RGS8: variants seen among roughly 807,000 people sequenced by gnomAD.
RGS8 encodes the protein regulator of G-protein signaling 8.
In RGS8, 8 loss-of-function variants were observed where a neutral mutation model predicts 21.7. The ratio of observed to expected loss-of-function variants is 0.37; its 90% CI spans 0.22 to 0.66. The LOEUF (loss-of-function observed/expected upper bound fraction) is 0.66. Among genes scored for constraint, RGS8 ranks in the 30% least tolerant of loss-of-function variants. The pLI, the probability that RGS8 is intolerant of heterozygous loss-of-function variation, is 0.59. For synonymous variants in RGS8, 80 were observed against 83.6 expected, an observed-to-expected ratio of 0.96 and a Z score of 0.24; for missense variants, 157 against 217.9, an observed-to-expected ratio of 0.72 and a Z score of 1.76.
chr1:182,647,012 T>A (rs1662735245), intron 6 of RGS8, 95 bp from the exon 8 acceptor site: 1 of 1,037,830 alleles, frequency 9.6e-7, no homozygotes. Flanking sequence ...AATGACAGCA[T>A]CTACATATTT....
At chr1:182,740,967 C>G in the RGS8 span, among the ~76,000 whole-genome samples, 1 of 152,146 alleles carries the variant, frequency 6.6e-6, no homozygotes, top group Non-Finnish European at 1.5e-5. Context: ...TCTACACAGA[C>G]ACGGCAACCA....
chr1:182,737,855 T>A, the RGS8 span, among the ~76,000 whole-genome samples: 3 of 152,060 alleles, frequency 2.0e-5, no homozygotes, highest in Non-Finnish European at 4.4e-5. Context: ...TTCACCAGCA[T>A]GTGAGAAACT....
At chr1:182,690,548 T>C in the RGS8 span, among the ~76,000 whole-genome samples, 11 of 152,224 alleles carry the variant, frequency 7.2e-5, no homozygotes. Context: ...TGGGTCCCCA[T>C]TTTCTTTTTG....
At position 182,671,643 on chromosome 1, in the gene RGS8, A is replaced by G; in HGVS notation, c.-104+14T>C. On this transcript the variant is annotated intron_variant, in intron 2 of 6. Transcript: ENST00000483095. Reference sequence around the variant, plus strand: ...ACCCCGGAGAAGAAAGAGAAAAGCAAAGGCAATACTCACTGTCTTTGGCCA... The same window carrying G: ...ACCCCGGAGAAGAAAGAGAAAAGCAGAGGCAATACTCACTGTCTTTGGCCA... 6.2e-7 allele frequency: 1 copy of G among 1,612,666 alleles called. No individual in the cohort carries two copies. The highest frequency in any genetic ancestry group is 8.5e-7 in the Non-Finnish European group (1 of 1,178,706).
At chr1:182,698,419 G>A in the RGS8 span, among the ~76,000 whole-genome samples, 1 of 152,182 alleles carries the variant, frequency 6.6e-6, no homozygotes, top group Non-Finnish European at 1.5e-5. Context: ...TTCTGCATCT[G>A]TAAAACAGGG....
In RGS8 at chr1:182,658,156, A is replaced by G. The variant is rs149464663; in HGVS notation, c.193+7813T>C. Among the ~76,000 whole-genome samples, 8 of 152,330 alleles carry G rather than the reference A, an allele frequency of 5.3e-5. No individual in the cohort carries two copies. In the South Asian group the frequency reaches 1.0e-3, roughly 20 times the overall value. ...TGGCATCTACCTGAGCATCCACAGA[A>G]TCTCCAAGAACACACCTCAGCTGTG... On this transcript the variant is annotated intron_variant, in intron 5 of 6. Transcript: ENST00000483095.
chr1:182,742,840 A>T, the RGS8 span, among the ~76,000 whole-genome samples: 3 of 152,188 alleles, frequency 2.0e-5, no homozygotes, highest in African/African-American at 7.2e-5. Flanking sequence ...AGATGGTAGG[A>T]TTTGCTAAGA....
the RGS8 span, among the ~76,000 whole-genome samples, chr1:182,723,212 T>A: frequency 6.6e-6 from 1 of 152,132 alleles, no homozygotes; most frequent in Non-Finnish European, 1.5e-5. Context: ...TTATTTCATA[T>A]CACAATTTCT....
chr1:182,655,687 G>A (rs886927226), intron 5 of RGS8, among the ~76,000 whole-genome samples: 3 of 152,160 alleles, frequency 2.0e-5, no homozygotes, highest in African/African-American at 7.2e-5. Context: ...GTAAACTAAG[G>A]GGGTTGGATA....
At chr1:182,732,301 A>C in the RGS8 span, among the ~76,000 whole-genome samples, 147 of 150,648 alleles carry the variant, frequency 9.8e-4, no homozygotes, top group Middle Eastern at 6.8e-3. Context: ...ACACACACAC[A>C]CCCACTGTAG....
rs148238234 is a variant in RGS8, at chr1:182,671,316, A to T, written c.-104+341T>A. Among the ~76,000 whole-genome samples the T allele has an allele frequency of 3.3e-3, 495 of 152,204 alleles. 3 individuals are homozygous for T. Among genetic ancestry groups the T allele is most frequent in the Middle Eastern group, 0.024 (7 of 294 alleles). Reference sequence around the variant, plus strand: ...CCCAGCACCTCAGGGCTTTTATCCCATTTGGCCCTGGACTTCTGAGAGTTA... The same window carrying T: ...CCCAGCACCTCAGGGCTTTTATCCCTTTTGGCCCTGGACTTCTGAGAGTTA... On this transcript the variant is annotated intron_variant, in intron 2 of 6. Coordinates refer to ENST00000483095, the Ensembl canonical transcript of RGS8.
the RGS8 span, among the ~76,000 whole-genome samples, chr1:182,705,558 A>AG: frequency 2.0e-5 from 3 of 151,202 alleles, no homozygotes; most frequent in African/African-American, 4.9e-5. Context: ...CTTTATCTAG[A>AG]ACATGCAGCA....
the RGS8 span, among the ~76,000 whole-genome samples, chr1:182,695,564 C>CT: frequency 6.6e-6 from 1 of 152,178 alleles, no homozygotes; most frequent in Non-Finnish European, 1.5e-5. Context: ...TCAAGCAAAT[C>CT]TCCCACCTCA....
At chr1:182,715,914 G>C in the RGS8 span, among the ~76,000 whole-genome samples, 1 of 152,088 alleles carries the variant, frequency 6.6e-6, no homozygotes, top group Non-Finnish European at 1.5e-5. Context: ...AGTCACCCTT[G>C]ATATCCAAGG....
At chr1:182,647,925 A>G (rs1662780974) in intron 6 of RGS8, among the ~76,000 whole-genome samples, 1 of 152,236 alleles carries the variant, frequency 6.6e-6, no homozygotes, top group Non-Finnish European at 1.5e-5. Flanking sequence ...TAACTGACAG[A>G]TAACTAAAAC....
chr1:182,675,908 C>T (rs879762891), upstream of RGS8, among the ~76,000 whole-genome samples: 4 of 152,118 alleles, frequency 2.6e-5, no homozygotes, highest in Admixed American at 2.6e-4. Flanking sequence ...ACTATTAATT[C>T]TCATTAACTC....
chr1:182,654,610 T>A (rs762990033), intron 5 of RGS8, among the ~76,000 whole-genome samples: 1 of 152,074 alleles, frequency 6.6e-6, no homozygotes, highest in Admixed American at 6.6e-5. Flanking sequence ...TTTAAAATAA[T>A]CAATTGAGTA....
intron 5 of RGS8, among the ~76,000 whole-genome samples, chr1:182,662,950 TG>T (rs34379497): frequency 6.2e-5 from 9 of 146,110 alleles, no homozygotes; most frequent in African/African-American, 2.5e-4. Flanking sequence ...AGATTGAGAA[TG>T]GGGAGGGGGG....
chr1:182,750,764 A>C, the RGS8 span, among the ~76,000 whole-genome samples: 1 of 28,978 alleles, frequency 3.5e-5, no homozygotes, highest in East Asian at 9.0e-4. Context: ...GAAGTTTACT[A>C]TCTAGACTCT....
Sources: gnomAD v4.1 joint callset for allele counts (sites outside exome capture counted in the v4.1 genomes callset) on GRCh38, gnomAD v4.1.1 for gene constraint, MANE v1.5 for transcripts, NCBI Gene and HGNC (gene_info 2026-07-23, HGNC 2026-07-21) for gene names.